The following EDAR variants were observed in gnomAD, a reference collection of about 807,000 sequenced individuals.
EDAR encodes the protein tumor necrosis factor receptor superfamily member EDAR.
A neutral mutation model predicts 51.3 loss-of-function variants in EDAR; 38 were observed. The observed-to-expected ratio is 0.74, with a 90% CI of 0.57 to 0.97. The LOEUF (loss-of-function observed/expected upper bound fraction) is 0.97, where lower values mean the gene tolerates loss of function less well. EDAR is among the 50% of genes least tolerant of loss of function. The pLI is 0.00. For synonymous variants in EDAR, 227 were observed against 242.1 expected (o/e 0.94, Z 0.58); for missense variants, 528 against 595.0 (o/e 0.89, Z 1.17).
intron 5 of EDAR, 71 bp downstream of exon 5, chr2:108,923,297 C>T: frequency 6.8e-7 from 1 of 1,475,288 alleles, no homozygotes; most frequent in Non-Finnish European, 9.5e-7. Flanking sequence ...CGGCTCTTTC[C>T]TACACCCTCT....
intron 11 of EDAR, among the ~76,000 whole-genome samples, chr2:108,901,589 T>C (rs1696699070): frequency 6.6e-6 from 1 of 152,020 alleles, no homozygotes; most frequent in African/African-American, 2.4e-5. Context: ...AAGACACAAA[T>C]TACCAATATC....
At chr2:108,936,490 C>A (rs1012885584) in intron 1 of EDAR, among the ~76,000 whole-genome samples, 1 of 152,158 alleles carries the variant, frequency 6.6e-6, no homozygotes, top group East Asian at 1.9e-4. Context: ...GGGCTCCCTG[C>A]CCACCCAGCG....
chr2:108,970,203 G>A (rs1163211649), intron 1 of EDAR, among the ~76,000 whole-genome samples: 1 of 152,134 alleles, frequency 6.6e-6, no homozygotes, highest in Non-Finnish European at 1.5e-5. Flanking sequence ...GCCCCTACCC[G>A]AGGCCCAGTG....
At chr2:108,953,648 A>G (rs1697866674) in intron 1 of EDAR, among the ~76,000 whole-genome samples, 1 of 152,094 alleles carries the variant, frequency 6.6e-6, no homozygotes, top group Admixed American at 6.6e-5. Flanking sequence ...TAGGAAGACT[A>G]ATTTGGTGCT....
At chr2:108,921,698 G>A (rs1228365294) in intron 5 of EDAR, among the ~76,000 whole-genome samples, 5 of 152,188 alleles carry the variant, frequency 3.3e-5, no homozygotes, top group African/African-American at 1.2e-4. Flanking sequence ...ATTGAGACCA[G>A]GGCAGGCCCA....
chr2:108,900,571 A>AAAC lies in EDAR; in HGVS notation c.1025-3345_1025-3343dup, dbSNP rs60853248. 1.9e-3 allele frequency among the ~76,000 whole-genome samples: 281 copies of AAAC among 147,354 alleles called. 1 individual carries two copies. Among genetic ancestry groups the AAAC allele is most frequent in the South Asian group, 1.9e-3 (9 of 4,738 alleles). ...ACTCCAAAAAAAAAGAAAAAAAAAA[A>AAAC]AACAAAAAACCCAAACCAAACCAAA... On this transcript the variant is annotated intron_variant, in intron 11 of 11. Transcript: ENST00000258443.
At chr2:108,928,392 G>A (rs1346112517) in intron 4 of EDAR, among the ~76,000 whole-genome samples, 1 of 152,132 alleles carries the variant, frequency 6.6e-6, no homozygotes, top group Non-Finnish European at 1.5e-5. Flanking sequence ...CACTCTGAGT[G>A]TGCCTTATGC....
Position 108,930,946 on chromosome 2 carries a change from G to C in EDAR, c.51+18C>G, listed in dbSNP as rs1334312612. ...GAGGATGAGGGTGCTGTGGGGGTAA[G>C]GGGCTCAGACCACTTACCACCAGGA... On this transcript the variant is annotated intron_variant, in intron 2 of 11. Coordinates refer to ENST00000258443, the MANE Select transcript of EDAR (RefSeq NM_022336.4). 6.2e-7 allele frequency: 1 copy of C among 1,613,698 alleles called. No homozygotes were observed. The highest frequency in any genetic ancestry group is 1.7e-5 in the Admixed American group (1 of 60,012).
At chr2:108,963,001 GA>G (rs1332139505) in intron 1 of EDAR, among the ~76,000 whole-genome samples, 1 of 152,162 alleles carries the variant, frequency 6.6e-6, no homozygotes, top group Non-Finnish European at 1.5e-5. Flanking sequence ...CCTTGCCAGG[GA>G]CATCTGCACC....
intron 1 of EDAR, among the ~76,000 whole-genome samples, chr2:108,950,288 C>G (rs1242300316): frequency 9.8e-6 from 1 of 101,702 alleles, no homozygotes; most frequent in Non-Finnish European, 1.9e-5. Flanking sequence ...TCTTTTTTTT[C>G]TTTTTTTGAC....
At chr2:108,974,902 A>G (rs898689146) in intron 1 of EDAR, among the ~76,000 whole-genome samples, 20 of 152,244 alleles carry the variant, frequency 1.3e-4, no homozygotes, top group African/African-American at 4.8e-4. Flanking sequence ...TGCATGCTGG[A>G]GCTCTAGCCT....
chr2:108,939,744 G>A (rs1239434504), intron 1 of EDAR, among the ~76,000 whole-genome samples: 1 of 152,110 alleles, frequency 6.6e-6, no homozygotes, highest in Non-Finnish European at 1.5e-5. Flanking sequence ...TCTGCCAATG[G>A]GCTACTGTGC....
chr2:108,979,467 TCACACACACA>T lies in EDAR; in HGVS notation c.-19+9483_-19+9492del, dbSNP rs5833308. Among the ~76,000 whole-genome samples the T allele has an allele frequency of 1.9e-4, 28 of 147,222 alleles. No homozygotes were observed. In the East Asian group the frequency reaches 5.1e-3, roughly 27 times the overall value. ...CTCTCTGTCTCTGTCTCTCTCTCTC[TCACACACACA>T]CACACACACACACACACACACACGC... On this transcript the variant is annotated intron_variant, in intron 1 of 11. Transcript: ENST00000258443.
At chr2:108,954,294 C>T (rs1697879762) in intron 1 of EDAR, among the ~76,000 whole-genome samples, 1 of 152,170 alleles carries the variant, frequency 6.6e-6, no homozygotes, top group Non-Finnish European at 1.5e-5. Context: ...ACATCAAGAC[C>T]TATACCCCAA....
intron 11 of EDAR, among the ~76,000 whole-genome samples, chr2:108,905,029 TAAA>T (rs1316405702): frequency 6.6e-6 from 1 of 152,062 alleles, no homozygotes; most frequent in Non-Finnish European, 1.5e-5. Context: ...TATCTCAAAA[TAAA>T]AAGTTTAATT....
chr2:108,897,980 A>G (rs1240410129), intron 11 of EDAR, among the ~76,000 whole-genome samples: 1 of 152,178 alleles, frequency 6.6e-6, no homozygotes, highest in Non-Finnish European at 1.5e-5. Flanking sequence ...CATAAATTCC[A>G]GACATGGGGC....
In EDAR at chr2:108,897,304, A is replaced by C. The variant is rs2105372045; in HGVS notation, c.1025-75T>G. On this transcript the variant is annotated intron_variant, in intron 11 of 11. Coordinates refer to ENST00000258443, the MANE Select transcript of EDAR (RefSeq NM_022336.4). ...AAGGTCAACACTGAAAAATTATTTA[A>C]ATGAAATAAAAATTATTTGAAAAAA... is the stretch of plus-strand genomic sequence containing the variant. 2.9e-6 allele frequency: 4 copies of C among 1,368,168 alleles called. No homozygotes were observed. In the South Asian group the frequency reaches 5.4e-5, roughly 18 times the overall value. The allele number at this position is 1,368,168 out of a possible 1,614,324, so 84.8% of individuals were successfully genotyped here.
chr2:108,978,494 T>C (rs140208266), intron 1 of EDAR, among the ~76,000 whole-genome samples: 150 of 152,328 alleles, frequency 9.8e-4, no homozygotes, highest in African/African-American at 3.4e-3. Context: ...TTCTAGAGGG[T>C]AGAGCTCCGA....
intron 1 of EDAR, among the ~76,000 whole-genome samples, chr2:108,957,464 A>C (rs1389983138): frequency 6.6e-6 from 1 of 152,188 alleles, no homozygotes; most frequent in Non-Finnish European, 1.5e-5. Flanking sequence ...GCTATAAATC[A>C]AGTGGCCCCG....
Sources: gnomAD v4.1 joint callset for allele counts (sites outside exome capture counted in the v4.1 genomes callset) on GRCh38, gnomAD v4.1.1 for gene constraint, MANE v1.5 for transcripts, NCBI Gene and HGNC (gene_info 2026-07-23, HGNC 2026-07-21) for gene names.